The following ADCK2 variants were observed in gnomAD, a reference collection of about 807,000 sequenced individuals.
ADCK2 encodes the protein aarF domain containing kinase 2.
In ADCK2, 37 loss-of-function variants were observed where a neutral mutation model predicts 52.3. The ratio of observed to expected loss-of-function variants is 0.71; its 90% CI spans 0.54 to 0.93. ADCK2 has a LOEUF of 0.93. Ranked by LOEUF, ADCK2 falls within the 40% of genes least tolerant of loss-of-function variation. The pLI is 0.00. For missense variants in ADCK2, 695 were observed against 798.7 expected, an observed-to-expected ratio of 0.87 and a Z score of 1.56; for synonymous variants, 321 against 349.2, an observed-to-expected ratio of 0.92 and a Z score of 0.90.
At position 140,674,511 on chromosome 7, in the gene ADCK2, A is replaced by G; in HGVS notation, c.934-100A>G. 7.0e-7 allele frequency: 1 copy of G among 1,429,078 alleles called. No individual in the cohort carries two copies. Among genetic ancestry groups the G allele is most frequent in the Non-Finnish European group, 9.4e-7 (1 of 1,065,326 alleles). 88.5% of individuals were successfully genotyped at this position (1,429,078 alleles called of 1,614,324 possible). A position where few individuals can be genotyped will look rare whatever the true frequency, so the allele number is the denominator to read the frequency against. On this transcript the variant is annotated intron_variant, in intron 1 of 7. Coordinates refer to ENST00000072869, the MANE Select transcript of ADCK2 (RefSeq NM_052853.4). The surrounding 1 kb of genome is among the most constrained non-coding windows in gnomAD (Gnocchi z 4.6). ...GGACCACATCCTCTTTTCTTTGATA[A>G]GAAGCCACCTGGCTCTTGCTTGGAT... is the stretch of plus-strand genomic sequence containing the variant.
rs1367798992 is a variant in ADCK2, at chr7:140,693,500, G to C, written c.1741-1163G>C. Among the ~76,000 whole-genome samples the C allele has an allele frequency of 6.6e-6, 1 of 152,216 alleles. No individual in the cohort carries two copies. The highest frequency in any genetic ancestry group is 1.5e-5 in the Non-Finnish European group (1 of 68,040). On this transcript the variant is annotated intron_variant, in intron 7 of 7. Coordinates refer to ENST00000072869, the MANE Select transcript of ADCK2 (RefSeq NM_052853.4). This position sits in a 1 kb window ranked among gnomAD's most constrained non-coding sequence, Gnocchi z 4.0. ...TAAAAAGCAGATTCCTGTTCTTCTA[G>C]GTTTACATCTGGCTCTATTCCTCCT...
At chr7:140,677,477 T>C (rs1315372596) in intron 2 of ADCK2, among the ~76,000 whole-genome samples, 1 of 151,802 alleles carries the variant, frequency 6.6e-6, no homozygotes, top group African/African-American at 2.4e-5. Context: ...CAATAAAAAA[T>C]GTAGTTAGGT....
rs891744219 is a variant in ADCK2, at chr7:140,678,256, A to T, written c.1081-899A>T. On this transcript the variant is annotated intron_variant, in intron 2 of 7. Coordinates refer to ENST00000072869, the MANE Select transcript of ADCK2 (RefSeq NM_052853.4). This position sits in a 1 kb window ranked among gnomAD's most constrained non-coding sequence, Gnocchi z 4.9. Reference sequence around the variant, plus strand: ...CACGGAGGGGAAGAGAGAAGGCATGATCTGGGGACTCAAAGGTGACTGAGT... The same window carrying T: ...CACGGAGGGGAAGAGAGAAGGCATGTTCTGGGGACTCAAAGGTGACTGAGT... Among the ~76,000 whole-genome samples, 1 of 152,124 alleles carries T rather than the reference A, an allele frequency of 6.6e-6. No homozygotes were observed. The highest frequency in any genetic ancestry group is 1.5e-5 in the Non-Finnish European group (1 of 68,018).
At chr7:140,680,961 C>A in intron 3 of ADCK2, 81 bp from the exon 4 acceptor site, 1 of 1,234,268 alleles carries the variant, frequency 8.1e-7, no homozygotes, top group Non-Finnish European at 1.2e-6. Flanking sequence ...GAGAAGACAG[C>A]GCTGTGGTGC....
Position 140,673,498 on chromosome 7 carries a change from C to G in ADCK2, c.168C>G (p.Asp56Glu). 5.6e-6 allele frequency: 9 copies of G among 1,604,054 alleles called. No homozygotes were observed. The highest frequency in any genetic ancestry group is 7.6e-6 in the Non-Finnish European group (9 of 1,177,056). The change falls in exon 1 of 8, where the codon GAC becomes GAG. Residue 56 changes from aspartate (D) to glutamate (E), a missense_variant. Asp to Glu is a conservative substitution (Grantham distance 45, BLOSUM62 2). Transcript: ENST00000072869. The surrounding 1 kb of genome is among the most constrained non-coding windows in gnomAD (Gnocchi z 6.4). Reference protein sequence around the residue: ...TLPKVVSLCGDVGEGAPDVLS... With the variant: ...TLPKVVSLCGEVGEGAPDVLS... ...CCAAGGTCGTCTCCCTGTGCGGGGA[C>G]GTGGGTGAGGGGGCCCCTGACGTTC... is the stretch of plus-strand genomic sequence containing the variant.
rs1242605832 is a variant in ADCK2 at position 140,693,870 on chromosome 7, CG to C, written c.1741-791del. On this transcript the variant is annotated intron_variant, in intron 7 of 7. Transcript: ENST00000072869. The surrounding 1 kb of genome is among the most constrained non-coding windows in gnomAD (Gnocchi z 4.0). ...GACCACAGGCGCCTGCCACCATGCC[CG>C]GCTGATTTTTTGTATTTTTAGTAGA... 6.6e-6 allele frequency among the ~76,000 whole-genome samples: 1 copy of C among 152,098 alleles called. No homozygotes were observed. The highest frequency in any genetic ancestry group is 6.5e-5 in the Admixed American group (1 of 15,276).
In ADCK2 at chr7:140,680,982, G is replaced by C; in HGVS notation, c.1210-60G>C. Reference sequence around the variant, plus strand: ...ACAGCGCTGTGGTGCCACGTGGGAGGAGGAGCCAGCATCACAGGCTGGCTG... The same window carrying C: ...ACAGCGCTGTGGTGCCACGTGGGAGCAGGAGCCAGCATCACAGGCTGGCTG... On this transcript the variant is annotated intron_variant, in intron 3 of 7. Coordinates refer to ENST00000072869, the MANE Select transcript of ADCK2 (RefSeq NM_052853.4). 3 of 1,480,864 alleles carry C rather than the reference G, an allele frequency of 2.0e-6. No homozygotes were observed. The South Asian group carries it at 3.4e-5, about 17-fold the overall frequency. The allele number at this position is 1,480,864 out of a possible 1,614,324, so 91.7% of individuals were successfully genotyped here.
rs777816280 is a variant in ADCK2, at chr7:140,694,807, G to A, written c.*4G>A. ...GGGCCCAGTGTGCCCCCCGTGATGG[G>A]GCAGTGGCCTCTGTGGGCCCTTGTC... On this transcript the variant is annotated 3_prime_UTR_variant, in exon 8 of 8. Coordinates refer to ENST00000072869, the MANE Select transcript of ADCK2 (RefSeq NM_052853.4). 2 of 1,611,494 alleles carry A rather than the reference G, an allele frequency of 1.2e-6. No individual in the cohort carries two copies. Among genetic ancestry groups the A allele is most frequent in the African/African-American group, 2.7e-5 (2 of 75,010 alleles).
At chr7:140,675,836 T>G (rs1794400449) in intron 2 of ADCK2, among the ~76,000 whole-genome samples, 1 of 152,212 alleles carries the variant, frequency 6.6e-6, no homozygotes, top group Admixed American at 6.5e-5. Context: ...AGGACCTCCT[T>G]CATGCTCAGG....
At chr7:140,680,434 T>C (rs1007308006) in intron 3 of ADCK2, among the ~76,000 whole-genome samples, 1 of 152,050 alleles carries the variant, frequency 6.6e-6, no homozygotes, top group African/African-American at 2.4e-5. Flanking sequence ...ATTATACGTG[T>C]TAGCCACCAC....
At chr7:140,690,845 G>A (rs566448524) in intron 7 of ADCK2, 32 bp downstream of exon 7, 3 of 1,606,192 alleles carry the variant, frequency 1.9e-6, no homozygotes, top group Non-Finnish European at 1.7e-6. Flanking sequence ...GGTCTCTGGG[G>A]AAGGTGGGAC....
chr7:140,679,054 A>G, intron 2 of ADCK2, 101 bp from the exon 3 acceptor site: 1 of 1,439,780 alleles, frequency 6.9e-7, no homozygotes, highest in Non-Finnish European at 9.5e-7. Flanking sequence ...CTGGTGGGGA[A>G]GGTGGGGTGG....
chr7:140,679,244 C>G lies in ADCK2; in HGVS notation c.1170C>G (p.Arg390=). ...VKAVKFPTPL[R]PFVTREVLVE... ...CCGTCAAGTTCCCCACCCCTCTGCG[C>G]CCCTTTGTCACCAGAGAAGTCTTGG... is the stretch of plus-strand genomic sequence containing the variant. The change falls in exon 3 of 8, where the codon CGC becomes CGG. Residue 390 remains arginine, a synonymous_variant. Coordinates refer to ENST00000072869, the MANE Select transcript of ADCK2 (RefSeq NM_052853.4). The G allele has an allele frequency of 6.2e-7, 1 of 1,614,082 alleles. No homozygotes were observed. The highest frequency in any genetic ancestry group is 8.5e-7 in the Non-Finnish European group (1 of 1,179,998).
At chr7:140,686,741 C>T (rs756464537) in intron 4 of ADCK2, among the ~76,000 whole-genome samples, 4 of 152,124 alleles carry the variant, frequency 2.6e-5, no homozygotes, top group Non-Finnish European at 5.9e-5. Flanking sequence ...CCACTGAGAC[C>T]GGCCCCTTTA....
At position 140,674,722 on chromosome 7, in the gene ADCK2, A is replaced by G; in HGVS notation, c.1045A>G (p.Ile349Val). 1.9e-6 allele frequency: 3 copies of G among 1,614,062 alleles called. No homozygotes were observed. The highest frequency in any genetic ancestry group is 2.5e-6 in the Non-Finnish European group (3 of 1,179,998). The change falls in exon 2 of 8, where the codon ATT (isoleucine) becomes GTT (valine). Residue 349 changes from isoleucine to valine, a missense_variant. Physicochemically the swap from Ile to Val is conservative, Grantham distance 29. Coordinates refer to ENST00000072869, the MANE Select transcript of ADCK2 (RefSeq NM_052853.4). The surrounding 1 kb of genome is among the most constrained non-coding windows in gnomAD (Gnocchi z 4.6). ...CATCAAGTGGCTTAGCTTGCCTGAG[A>G]TTGTGGAGGAATTTGAGAAGCTGAT... ...PGIKWLSLPE[I>V]VEEFEKLMVQ...
At position 140,694,969 on chromosome 7, in the gene ADCK2, CA is replaced by C; in HGVS notation, c.*170del. 11 of 1,376,220 alleles carry C rather than the reference CA, an allele frequency of 8.0e-6. No homozygotes were observed. Among genetic ancestry groups the C allele is most frequent in the Non-Finnish European group, 1.0e-5 (11 of 1,067,864 alleles). 85.3% of individuals were successfully genotyped at this position (1,376,220 alleles called of 1,614,324 possible). On this transcript the variant is annotated 3_prime_UTR_variant, in exon 8 of 8. Transcript: ENST00000072869. ...CCTCTGCTTGGTTTGAGGGTCTGTT[CA>C]AAAGCTTTGGGCCAATTAGGGAGTA...
At chr7:140,684,530 A>G (rs1794572719) in intron 4 of ADCK2, among the ~76,000 whole-genome samples, 1 of 152,124 alleles carries the variant, frequency 6.6e-6, no homozygotes, top group African/African-American at 2.4e-5. Context: ...CGGATAGGGA[A>G]GAAGAATACC....
intron 5 of ADCK2, among the ~76,000 whole-genome samples, chr7:140,688,946 CTG>C (rs1318088066): frequency 6.6e-6 from 1 of 152,016 alleles, no homozygotes; most frequent in Non-Finnish European, 1.5e-5. Flanking sequence ...AAAAAGAGAA[CTG>C]TTTTTTTTAA....
chr7:140,690,205 T>G (rs1004128016), intron 6 of ADCK2, among the ~76,000 whole-genome samples: 1 of 152,130 alleles, frequency 6.6e-6, no homozygotes, highest in African/African-American at 2.4e-5. Context: ...AGGTGTGATT[T>G]TTTAAAAATT....
Sources: gnomAD v4.1 joint callset for allele counts (sites outside exome capture counted in the v4.1 genomes callset) on GRCh38, gnomAD v4.1.1 for gene constraint, Gnocchi (gnomAD v3.1) non-coding constraint, MANE v1.5 for transcripts, NCBI Gene and HGNC (gene_info 2026-07-23, HGNC 2026-07-21) for gene names.